The following NTRK3 variants were observed in gnomAD, a reference collection of about 807,000 sequenced individuals.
NTRK3 encodes the protein NT-3 growth factor receptor.
In NTRK3, 24 loss-of-function variants were observed where a neutral mutation model predicts 91.7. The observed-to-expected ratio is 0.26, with a 90% CI of 0.19 to 0.37. The LOEUF (loss-of-function observed/expected upper bound fraction) is 0.37. NTRK3 is among the 10% of genes least tolerant of loss of function. The pLI, the probability that NTRK3 is intolerant of heterozygous loss-of-function variation, is 1.00. For synonymous variants in NTRK3, 483 were observed against 404.0 expected (o/e 1.20, Z -2.34); for missense variants, 880 against 1,068.9 (o/e 0.82, Z 2.46).
At chr15:87,963,477 G>A (rs1325123517) in intron 14 of NTRK3, among the ~76,000 whole-genome samples, 2 of 152,136 alleles carry the variant, frequency 1.3e-5, no homozygotes, top group Admixed American at 6.5e-5. Flanking sequence ...ACGATGGTTC[G>A]ACTTGGGACT....
intron 17 of NTRK3, among the ~76,000 whole-genome samples, chr15:87,909,912 C>G (rs1055808323): frequency 6.6e-6 from 1 of 152,180 alleles, no homozygotes; most frequent in Admixed American, 6.5e-5. Context: ...TCTTGAACTT[C>G]CAGCCTCCAG....
At position 88,152,551 on chromosome 15, in the gene NTRK3, C is replaced by T. The variant is rs186083730; in HGVS notation, c.396-5148G>A. On this transcript the variant is annotated intron_variant, in intron 5 of 18. Transcript: ENST00000394480. ...AAGCCTCAGAAGAAATGAGCCCTGC[C>T]AATGACACTTTGATCTTAGGCTTCT... 1.7e-3 allele frequency among the ~76,000 whole-genome samples: 260 copies of T among 152,320 alleles called. 1 individual carries two copies. Among genetic ancestry groups the T allele is most frequent in the African/African-American group, 5.9e-3 (246 of 41,552 alleles).
chr15:87,939,207 T>C (rs2069575699), intron 15 of NTRK3, among the ~76,000 whole-genome samples: 1 of 152,132 alleles, frequency 6.6e-6, no homozygotes, highest in African/African-American at 2.4e-5. Context: ...CATTCAGTAA[T>C]ATCAACATCA....
chr15:88,159,165 A>G (rs1223973580), intron 5 of NTRK3, among the ~76,000 whole-genome samples: 1 of 152,226 alleles, frequency 6.6e-6, no homozygotes, highest in Non-Finnish European at 1.5e-5. Context: ...TAGCCAGGCC[A>G]GACAACAGTC....
At chr15:88,043,164 A>T (rs2079823118) in intron 13 of NTRK3, among the ~76,000 whole-genome samples, 1 of 152,216 alleles carries the variant, frequency 6.6e-6, no homozygotes. Context: ...AGAATGTCAA[A>T]ACAAGCATCC....
intron 14 of NTRK3, among the ~76,000 whole-genome samples, chr15:87,954,023 T>TGTGTGTGTGTGTGC (rs901341567): frequency 7.3e-5 from 10 of 137,184 alleles, no homozygotes; most frequent in African/African-American, 3.1e-4. Context: ...TGTGTGTGTG[T>TGTGTGTGTGTGTGC]GTGTGTGTGT....
At chr15:88,104,220 C>A (rs750194260) in intron 13 of NTRK3, among the ~76,000 whole-genome samples, 7 of 152,194 alleles carry the variant, frequency 4.6e-5, no homozygotes, top group Non-Finnish European at 1.0e-4. Flanking sequence ...TGAAAGATGA[C>A]GACTTTTCAC....
intron 14 of NTRK3, among the ~76,000 whole-genome samples, chr15:87,945,218 A>G (rs1017761193): frequency 6.6e-6 from 1 of 152,166 alleles, no homozygotes; most frequent in Non-Finnish European, 1.5e-5. Context: ...AGTTCCTGGG[A>G]CCTTCTGGCC....
rs138131295 is a variant in NTRK3 at position 88,207,004 on chromosome 15, C to T, written c.249-22705G>A. Among the ~76,000 whole-genome samples, 807 of 152,328 alleles carry T rather than the reference C, an allele frequency of 5.3e-3. 5 individuals are homozygous for T. Among genetic ancestry groups the T allele is most frequent in the African/African-American group, 0.018 (767 of 41,586 alleles). ...GTCAGCGCCCCAGGTCTACATTACCCAGAACCTTCTGTTCCTCCTTCAGGG... is the reference window on the plus strand; with the variant it reads ...GTCAGCGCCCCAGGTCTACATTACCTAGAACCTTCTGTTCCTCCTTCAGGG... On this transcript the variant is annotated intron_variant, in intron 3 of 18. Coordinates refer to ENST00000394480, the Ensembl canonical transcript of NTRK3.
At chr15:88,157,569 G>T (rs925598067) in intron 5 of NTRK3, among the ~76,000 whole-genome samples, 1 of 151,872 alleles carries the variant, frequency 6.6e-6, no homozygotes, top group African/African-American at 2.4e-5. Context: ...CCTCCAGTAG[G>T]CATGCTTTTC....
At chr15:88,229,423 A>G (rs944576277) in intron 3 of NTRK3, among the ~76,000 whole-genome samples, 3 of 152,188 alleles carry the variant, frequency 2.0e-5, no homozygotes, top group Non-Finnish European at 2.9e-5. Context: ...GAGTGACTCA[A>G]TGACTGGAAA....
chr15:88,047,409 T>G (rs2080321945), intron 13 of NTRK3, among the ~76,000 whole-genome samples: 1 of 152,042 alleles, frequency 6.6e-6, no homozygotes, highest in Admixed American at 6.5e-5. Context: ...TCTATAGTAG[T>G]GAGTTAGCCC....
chr15:88,042,400 T>C lies in NTRK3; in HGVS notation c.1397-9355A>G, dbSNP rs181438716. Among the ~76,000 whole-genome samples, 947 of 152,316 alleles carry C rather than the reference T, an allele frequency of 6.2e-3. 3 individuals are homozygous for C. Among genetic ancestry groups the C allele is most frequent in the Non-Finnish European group, 0.01 (690 of 68,028 alleles). On this transcript the variant is annotated intron_variant, in intron 13 of 18. Coordinates refer to ENST00000394480, the Ensembl canonical transcript of NTRK3. Reference sequence around the variant, plus strand: ...TCATGGCCTTCTGTTCCTAGACTTGTTCCTCTGGGCCCTCCCCTCTCTGCC... The same window carrying C: ...TCATGGCCTTCTGTTCCTAGACTTGCTCCTCTGGGCCCTCCCCTCTCTGCC...
chr15:87,882,166 G>A (rs967447819), intron 17 of NTRK3, among the ~76,000 whole-genome samples: 2 of 152,170 alleles, frequency 1.3e-5, no homozygotes, highest in East Asian at 3.9e-4. Flanking sequence ...AAAGTGCTGG[G>A]ATTACAGGCG....
At chr15:88,034,869 A>C (rs2078933440) in intron 13 of NTRK3, among the ~76,000 whole-genome samples, 1 of 152,208 alleles carries the variant, frequency 6.6e-6, no homozygotes, top group Non-Finnish European at 1.5e-5. Context: ...TGCAAAAAAG[A>C]AGCCAGTTCC....
At chr15:87,949,907 T>C (rs2070935047) in intron 14 of NTRK3, among the ~76,000 whole-genome samples, 1 of 152,176 alleles carries the variant, frequency 6.6e-6, no homozygotes, top group Non-Finnish European at 1.5e-5. Flanking sequence ...TGAGAATGTG[T>C]CCCTCTGACA....
At chr15:87,933,598 C>G (rs1300510441) in intron 15 of NTRK3, among the ~76,000 whole-genome samples, 1 of 152,282 alleles carries the variant, frequency 6.6e-6, no homozygotes, top group African/African-American at 2.4e-5. Context: ...TGCCCCAATA[C>G]TTTAGCTTTG....
At chr15:87,961,299 G>A (rs568414615) in intron 14 of NTRK3, among the ~76,000 whole-genome samples, 3 of 152,240 alleles carry the variant, frequency 2.0e-5, no homozygotes, top group Admixed American at 6.5e-5. Flanking sequence ...CCTACACTTG[G>A]CATTAAGTTT....
At chr15:88,055,455 T>A (rs2045595738) in intron 13 of NTRK3, among the ~76,000 whole-genome samples, 1 of 152,184 alleles carries the variant, frequency 6.6e-6, no homozygotes, top group South Asian at 2.1e-4. Context: ...TTCCTGGAAA[T>A]ATGAAATATA....
Sources: allele counts gnomAD v4.1 joint callset (sites outside exome capture counted in the v4.1 genomes callset), GRCh38; gene constraint gnomAD v4.1.1; transcripts MANE v1.5; gene names NCBI Gene and HGNC (gene_info 2026-07-23, HGNC 2026-07-21).